The following MAGI2 variants were observed in gnomAD, a reference collection of about 807,000 sequenced individuals.
MAGI2 encodes membrane-associated guanylate kinase, WW and PDZ domain-containing protein 2.
A neutral mutation model predicts 133.3 loss-of-function variants in MAGI2; 35 were observed. The observed-to-expected ratio is 0.26, with a 90% CI of 0.20 to 0.35. The LOEUF is 0.35. Among genes scored for constraint, MAGI2 ranks in the 10% least tolerant of loss-of-function variants. MAGI2 has a pLI of 1.00. For missense variants in MAGI2, 1,636 were observed against 1,863.4 expected (o/e 0.88, Z 2.25); for synonymous variants, 729 against 710.6 (o/e 1.03, Z -0.41).
At chr7:79,144,187 A>G (rs1220895494) in intron 1 of MAGI2, among the ~76,000 whole-genome samples, 1 of 152,188 alleles carries the variant, frequency 6.6e-6, no homozygotes, top group East Asian at 1.9e-4. Flanking sequence ...GCATCATGTA[A>G]TTGTTAGTTA....
intron 2 of MAGI2, among the ~76,000 whole-genome samples, chr7:78,729,250 A>T (rs996113705): frequency 1.3e-5 from 2 of 152,240 alleles, no homozygotes; most frequent in African/African-American, 4.8e-5. Flanking sequence ...ACTCCCAGTC[A>T]TTTTAAAGTT....
intron 21 of MAGI2, among the ~76,000 whole-genome samples, chr7:78,037,034 G>T (rs1328588460): frequency 6.6e-6 from 1 of 151,306 alleles, no homozygotes; most frequent in Admixed American, 6.6e-5. Context: ...CCCTAGAGAA[G>T]GATGAACAGA....
chr7:78,573,302 T>TTATATATATAAATATATAAA (rs1209149698), intron 3 of MAGI2, among the ~76,000 whole-genome samples: 1 of 34,870 alleles, frequency 2.9e-5, no homozygotes, highest in African/African-American at 1.7e-4. Context: ...ATATATATAT[T>TTATATATATAAATATATAAA]TATATATATA....
At chr7:78,500,064 G>C (rs528351537) in intron 5 of MAGI2, among the ~76,000 whole-genome samples, 1 of 152,236 alleles carries the variant, frequency 6.6e-6, no homozygotes, top group South Asian at 2.1e-4. Flanking sequence ...TTGCTGAAAG[G>C]TGAATGCTAT....
intron 9 of MAGI2, among the ~76,000 whole-genome samples, chr7:78,277,808 A>G (rs1340324203): frequency 6.6e-6 from 1 of 152,170 alleles, no homozygotes; most frequent in East Asian, 1.9e-4. Context: ...TTGGAGAGAG[A>G]ACAAGTAGTG....
intron 7 of MAGI2, among the ~76,000 whole-genome samples, chr7:78,354,202 A>G (rs1452532375): frequency 9.2e-5 from 14 of 152,238 alleles, no homozygotes; most frequent in Non-Finnish European, 2.9e-5. Context: ...ATTTCTGTGT[A>G]CAAGGAAGGG....
At chr7:78,282,265 C>T (rs1795687383) in intron 9 of MAGI2, among the ~76,000 whole-genome samples, 2 of 152,114 alleles carry the variant, frequency 1.3e-5, no homozygotes, top group Admixed American at 6.6e-5. Flanking sequence ...TCTTCTACCA[C>T]TCGGAGTCCC....
intron 12 of MAGI2, among the ~76,000 whole-genome samples, chr7:78,192,986 G>T (rs1357792587): frequency 1.3e-5 from 2 of 152,106 alleles, no homozygotes; most frequent in Non-Finnish European, 2.9e-5. Context: ...GAAAAAGAAA[G>T]CTCTGGAGGT....
At chr7:78,435,758 C>T (rs1287622398) in intron 6 of MAGI2, among the ~76,000 whole-genome samples, 2 of 152,164 alleles carry the variant, frequency 1.3e-5, no homozygotes. Context: ...TTGCCTCAAC[C>T]AGCAGATTGA....
chr7:78,169,279 T>G (rs1175551725), intron 14 of MAGI2, among the ~76,000 whole-genome samples: 8 of 152,208 alleles, frequency 5.3e-5, no homozygotes, highest in Non-Finnish European at 1.5e-5. Context: ...AGGTCCCCCT[T>G]TTCTTTTGCC....
chr7:78,166,156 C>T (rs967080940), intron 15 of MAGI2, among the ~76,000 whole-genome samples: 5 of 152,170 alleles, frequency 3.3e-5, no homozygotes, highest in Non-Finnish European at 5.9e-5. Flanking sequence ...TGCAGGAATA[C>T]ATTTTTGCAG....
intron 10 of MAGI2, among the ~76,000 whole-genome samples, chr7:78,228,385 C>T (rs1045395671): frequency 6.6e-6 from 1 of 152,078 alleles, no homozygotes; most frequent in Non-Finnish European, 1.5e-5. Context: ...GAAATGAAGG[C>T]TATTAACCAA....
At chr7:78,392,307 G>T (rs1795964855) in intron 6 of MAGI2, among the ~76,000 whole-genome samples, 1 of 152,062 alleles carries the variant, frequency 6.6e-6, no homozygotes, top group Admixed American at 6.6e-5. Flanking sequence ...CATGAAGAAG[G>T]CAAAAAATAG....
intron 2 of MAGI2, among the ~76,000 whole-genome samples, chr7:78,890,483 CA>C (rs1383923743): frequency 1.3e-5 from 2 of 152,170 alleles, no homozygotes; most frequent in East Asian, 3.9e-4. Context: ...GGAAGTAAAG[CA>C]GTCCTCAGCA....
At chr7:78,702,473 AC>A (rs1818181221) in intron 2 of MAGI2, among the ~76,000 whole-genome samples, 2 of 151,974 alleles carry the variant, frequency 1.3e-5, no homozygotes. Context: ...ATGTTACTTA[AC>A]TTTGAAATGA....
intron 20 of MAGI2, among the ~76,000 whole-genome samples, chr7:78,082,016 T>C (rs1563096699): frequency 6.6e-6 from 1 of 152,170 alleles, no homozygotes; most frequent in Non-Finnish European, 1.5e-5. Context: ...CTTGAACCCA[T>C]GGGAGAGGGA....
intron 20 of MAGI2, among the ~76,000 whole-genome samples, chr7:78,104,384 A>G (rs1356999291): frequency 2.6e-5 from 4 of 151,564 alleles, no homozygotes; most frequent in Admixed American, 6.6e-5. Context: ...CACCACGCCC[A>G]GTTAATATTT....
chr7:78,430,492 C>T (rs1285329771), intron 6 of MAGI2, among the ~76,000 whole-genome samples: 1 of 151,932 alleles, frequency 6.6e-6, no homozygotes, highest in Non-Finnish European at 1.5e-5. Context: ...AAACACCCCT[C>T]TATTTCTGAA....
intron 2 of MAGI2, among the ~76,000 whole-genome samples, chr7:78,632,614 C>T (rs369578139): frequency 2.0e-5 from 3 of 152,158 alleles, no homozygotes; most frequent in African/African-American, 7.2e-5. Flanking sequence ...AACATCTTGG[C>T]GCCTCATACA....
Sources: allele counts gnomAD v4.1 joint callset (sites outside exome capture counted in the v4.1 genomes callset), GRCh38; gene constraint gnomAD v4.1.1; transcripts MANE v1.5; gene names NCBI Gene and HGNC (gene_info 2026-07-23, HGNC 2026-07-21).